Variants in ZNF569 observed in about 807,000 individuals in gnomAD.
ZNF569 encodes the protein zinc finger protein 569, also known as DNA-binding protein.
ZNF569 carries 38 observed loss-of-function variants against 56.3 expected under a neutral mutation model. The observed-to-expected ratio is 0.68, with a 90% CI of 0.52 to 0.88. The LOEUF (loss-of-function observed/expected upper bound fraction) is 0.88. Ranked by LOEUF, ZNF569 falls within the 40% of genes least tolerant of loss-of-function variation. The probability of loss-of-function intolerance (pLI) is 0.00; values close to 1 mark genes in which losing one functional copy is unlikely to be tolerated. For synonymous variants in ZNF569, 241 were observed against 262.9 expected, an observed-to-expected ratio of 0.92 and a Z score of 0.81; for missense variants, 666 against 809.2, an observed-to-expected ratio of 0.82 and a Z score of 2.15.
chr19:37,423,508 G>A (rs955823483), intron 5 of ZNF569, among the ~76,000 whole-genome samples: 1 of 152,060 alleles, frequency 6.6e-6, no homozygotes, highest in Non-Finnish European at 1.5e-5. Flanking sequence ...AAACATAATT[G>A]AACCATATAC....
intron 2 of ZNF569, among the ~76,000 whole-genome samples, chr19:37,450,663 T>C (rs1226918361): frequency 6.6e-6 from 1 of 152,192 alleles, no homozygotes; most frequent in Non-Finnish European, 1.5e-5. Context: ...TTTCTTCTGC[T>C]AACTTTGGGC....
Position 37,426,365 on chromosome 19 carries a change from A to C in ZNF569, c.29T>G (p.Phe10Cys). The change falls in exon 4 of 6, where the codon TTC becomes TGC. Residue 10 changes from phenylalanine (F) to cysteine (C), a missense_variant. Coordinates refer to ENST00000316950, the MANE Select transcript of ZNF569 (RefSeq NM_152484.3). MTESQGTVT[F>C]KDVAIDFTQE... ...AGTGAAGTCGATAGCCACATCTTTG[A>C]ATGTTACTGTTCCCTGTAACAACAC... is the stretch of plus-strand genomic sequence containing the variant. 6.2e-7 allele frequency: 1 copy of C among 1,610,408 alleles called. No homozygotes were observed. Among genetic ancestry groups the C allele is most frequent in the South Asian group, 1.1e-5 (1 of 90,296 alleles).
chr19:37,423,014 C>T (rs922756268), intron 5 of ZNF569, among the ~76,000 whole-genome samples: 6 of 152,130 alleles, frequency 3.9e-5, no homozygotes, highest in African/African-American at 1.4e-4. Flanking sequence ...TTTGAAAATA[C>T]AGATGAAACA....
At position 37,430,010 on chromosome 19, in the gene ZNF569, T is replaced by C. The variant is rs377380825; in HGVS notation, c.16-3632A>G. ...GAGTTCAAGATCAGCCTGGGCAAGATGATGAGACCCTATCTCTACCAAAAA... is the reference window on the plus strand; with the variant it reads ...GAGTTCAAGATCAGCCTGGGCAAGACGATGAGACCCTATCTCTACCAAAAA... On this transcript the variant is annotated intron_variant, in intron 3 of 5. Coordinates refer to ENST00000316950, the MANE Select transcript of ZNF569 (RefSeq NM_152484.3). Among the ~76,000 whole-genome samples, 17 of 152,166 alleles carry C rather than the reference T, an allele frequency of 1.1e-4. No individual in the cohort carries two copies. The East Asian group carries it at 1.9e-3, about 17-fold the overall frequency.
At chr19:37,424,893 G>A (rs898185743) in intron 5 of ZNF569, among the ~76,000 whole-genome samples, 1 of 151,248 alleles carries the variant, frequency 6.6e-6, no homozygotes. Context: ...GGCCAAGGCA[G>A]GCAGATCACG....
At position 37,425,931 on chromosome 19, in the gene ZNF569, T is replaced by C. The variant is rs1325504566; in HGVS notation, c.175A>G (p.Lys59Glu). 8.7e-6 allele frequency: 14 copies of C among 1,613,904 alleles called. No homozygotes were observed. Among genetic ancestry groups the C allele is most frequent in the Non-Finnish European group, 1.1e-5 (13 of 1,179,970 alleles). The stretch of plus-strand genomic sequence containing the variant: ...CATGGTTCTTCTTCTTGCTCCAATT[T>C]GAAAATCACATCAGGTTTGGTGAAC... ...YPFTKPDVIF[K>E]LEQEEEPWVM... is the part of the protein sequence containing the mutation. The change falls in exon 5 of 6, where the codon AAA (lysine) becomes GAA (glutamate). Residue 59 changes from lysine (K) to glutamate (E), a missense_variant. Coordinates refer to ENST00000316950, the MANE Select transcript of ZNF569 (RefSeq NM_152484.3).
At chr19:37,464,114 C>T (rs576291367) in intron 2 of ZNF569, among the ~76,000 whole-genome samples, 8 of 152,222 alleles carry the variant, frequency 5.3e-5, no homozygotes, top group Admixed American at 1.3e-4. Context: ...AGTACACTAA[C>T]GTCCTAACCC....
At chr19:37,438,662 G>C (rs2041353027) in intron 3 of ZNF569, among the ~76,000 whole-genome samples, 1 of 152,122 alleles carries the variant, frequency 6.6e-6, no homozygotes, top group Non-Finnish European at 1.5e-5. Context: ...AAAGAAAACA[G>C]AGGAAATTCT....
intron 2 of ZNF569, among the ~76,000 whole-genome samples, chr19:37,446,567 A>AAAAAAAAAAAG (rs1555839149): frequency 7.1e-6 from 1 of 141,000 alleles, no homozygotes; most frequent in Non-Finnish European, 1.5e-5. Context: ...AAAAAAAAAA[A>AAAAAAAAAAAG]AAGAATGAAA....
rs374340951 is a variant in ZNF569 at position 37,441,600 on chromosome 19, G to T, written c.15+3307C>A. 5.7e-4 allele frequency among the ~76,000 whole-genome samples: 87 copies of T among 152,120 alleles called. 1 individual carries two copies. In the South Asian group the frequency reaches 8.7e-3, roughly 15 times the overall value. ...TGCTTGAGCCCAGCAGGCAGAGGTT[G>T]CAGCGAGCTGAGATTGTGCCACGCC... On this transcript the variant is annotated intron_variant, in intron 3 of 5. Transcript: ENST00000316950.
At chr19:37,464,098 CAGTAG>C (rs1158121413) in intron 2 of ZNF569, among the ~76,000 whole-genome samples, 1 of 152,130 alleles carries the variant, frequency 6.6e-6, no homozygotes, top group African/African-American at 2.4e-5. Flanking sequence ...TTATAGTCAA[CAGTAG>C]AGTACACTAA....
chr19:37,448,556 C>CTTTTTT (rs545559315), intron 2 of ZNF569, among the ~76,000 whole-genome samples: 39 of 72,542 alleles, frequency 5.4e-4, no homozygotes, highest in East Asian at 8.6e-4. Flanking sequence ...ATGCTGTAAT[C>CTTTTTT]TTTTTTTTTT....
intron 2 of ZNF569, among the ~76,000 whole-genome samples, chr19:37,462,790 A>C (rs2041775727): frequency 6.6e-6 from 1 of 152,108 alleles, no homozygotes; most frequent in Non-Finnish European, 1.5e-5. Context: ...CCTACCCTCT[A>C]AGTGACCTCA....
Position 37,412,360 on chromosome 19 carries a change from A to T in ZNF569, c.*237T>A. The T allele has an allele frequency of 1.8e-6, 1 of 566,000 alleles. No homozygotes were observed. The highest frequency in any genetic ancestry group is 2.7e-6 in the Non-Finnish European group (1 of 377,084). The allele number at this position is 566,000 out of a possible 1,614,324, so 35.1% of individuals were successfully genotyped here. On this transcript the variant is annotated 3_prime_UTR_variant, in exon 6 of 6. Transcript: ENST00000316950. The stretch of plus-strand genomic sequence containing the variant: ...GGAAGATACCTTGTTTCAGATTTCA[A>T]TGAGAATGCTGATTAAATATTATCA...
At chr19:37,463,591 A>G (rs1273076194) in intron 2 of ZNF569, among the ~76,000 whole-genome samples, 1 of 152,252 alleles carries the variant, frequency 6.6e-6, no homozygotes, top group East Asian at 1.9e-4. Flanking sequence ...TTACTATACT[A>G]TACTTTTTAT....
chr19:37,426,493 T>C (rs2041136007), intron 3 of ZNF569, 115 bp from the exon 4 acceptor site: 4 of 1,138,896 alleles, frequency 3.5e-6, no homozygotes, highest in Non-Finnish European at 3.5e-6. Context: ...GCCCATCATA[T>C]TAGCAGCATC....
At chr19:37,466,339 CAT>C (rs1393597222) in intron 1 of ZNF569, among the ~76,000 whole-genome samples, 3 of 152,090 alleles carry the variant, frequency 2.0e-5, no homozygotes, top group Admixed American at 1.3e-4. Context: ...CATATAAAAA[CAT>C]ATTTCCGGCC....
rs190428842 is a variant in ZNF569 at position 37,426,175 on chromosome 19, T to G, written c.142+77A>C. 1.4e-5 allele frequency: 21 copies of G among 1,492,668 alleles called. No individual in the cohort carries two copies. The African/African-American group carries it at 2.9e-4, about 21-fold the overall frequency. 92.5% of individuals were successfully genotyped at this position (1,492,668 alleles called of 1,614,324 possible). A position where few individuals can be genotyped will look rare whatever the true frequency, so the allele number is the denominator to read the frequency against. ...CTCACTCTAATATTTAAAAGGTCCATGTATTTCAGAAACACTGGGAGGAAA... is the reference window on the plus strand; with the variant it reads ...CTCACTCTAATATTTAAAAGGTCCAGGTATTTCAGAAACACTGGGAGGAAA... On this transcript the variant is annotated intron_variant, in intron 4 of 5. Coordinates refer to ENST00000316950, the MANE Select transcript of ZNF569 (RefSeq NM_152484.3).
rs762570930 is a variant in ZNF569, at chr19:37,413,994, C to T, written c.664G>A (p.Ala222Thr). The T allele has an allele frequency of 8.1e-5, 131 of 1,613,348 alleles. No individual in the cohort carries two copies. Among genetic ancestry groups the T allele is most frequent in the Non-Finnish European group, 1.0e-5 (12 of 1,179,878 alleles). Residue 222 changes from alanine to threonine, a missense_variant, in exon 6 of 6, where the codon GCC (alanine) becomes ACC (threonine). Physicochemically the swap from Ala to Thr is moderately conservative, Grantham distance 58 (BLOSUM62 0). Coordinates refer to ENST00000316950, the MANE Select transcript of ZNF569 (RefSeq NM_152484.3). ...KPYECSNCRK[A>T]FSHKEKLIKH... ...ATAAGTTTTTCCTTGTGACTGAAGG[C>T]TTTTCTACAGTTACTACATTCATAG...
Sources: gnomAD v4.1 joint callset for allele counts (sites outside exome capture counted in the v4.1 genomes callset) on GRCh38, gnomAD v4.1.1 for gene constraint, MANE v1.5 for transcripts, NCBI Gene and HGNC (gene_info 2026-07-23, HGNC 2026-07-21) for gene names.